Variants in DLGAP2 observed in about 807,000 individuals in gnomAD.
DLGAP2 encodes the protein DLG associated protein 2, also known as disks large-associated protein 2.
Under a neutral mutation model 100.3 loss-of-function variants are expected in DLGAP2, and 26 were observed. The ratio of observed to expected loss-of-function variants is 0.26; its 90% CI spans 0.19 to 0.36. DLGAP2 has a LOEUF of 0.36. Ranked by LOEUF, DLGAP2 falls within the 10% of genes least tolerant of loss-of-function variation. The pLI, the probability that DLGAP2 is intolerant of heterozygous loss-of-function variation, is 1.00. For missense variants in DLGAP2, 1,858 were observed against 1,453.2 expected, an observed-to-expected ratio of 1.28 and a Z score of -4.53; for synonymous variants, 886 against 630.1, an observed-to-expected ratio of 1.41 and a Z score of -6.08.
chr8:1,290,024 G>T (rs1362486298), intron 3 of DLGAP2, among the ~76,000 whole-genome samples: 1 of 152,206 alleles, frequency 6.6e-6, no homozygotes, highest in Non-Finnish European at 1.5e-5. Context: ...GCACCAAGAA[G>T]AAAACTAACC....
At chr8:1,316,716 G>T (rs1426782615) in intron 3 of DLGAP2, among the ~76,000 whole-genome samples, 1 of 138,402 alleles carries the variant, frequency 7.2e-6, no homozygotes, top group African/African-American at 2.8e-5. Context: ...CTATCCCATA[G>T]TGGTCTACAC....
chr8:1,423,630 T>A (rs997322664), intron 3 of DLGAP2, among the ~76,000 whole-genome samples: 5 of 152,224 alleles, frequency 3.3e-5, no homozygotes, highest in African/African-American at 4.8e-5. Flanking sequence ...TGGGACCTGC[T>A]GCTCCCTTAT....
At chr8:1,124,805 GT>G (rs1796128463) in intron 2 of DLGAP2, among the ~76,000 whole-genome samples, 1 of 152,120 alleles carries the variant, frequency 6.6e-6, no homozygotes, top group Admixed American at 6.5e-5. Context: ...AAATCATCTC[GT>G]TTTAGTGGGT....
At chr8:1,072,235 G>T (rs183407194) in intron 2 of DLGAP2, among the ~76,000 whole-genome samples, 1 of 152,146 alleles carries the variant, frequency 6.6e-6, no homozygotes, top group Middle Eastern at 3.2e-3. Flanking sequence ...CTGATTGATG[G>T]TGTTCAGATG....
chr8:1,627,955 G>C (rs558167893), intron 7 of DLGAP2, among the ~76,000 whole-genome samples: 1 of 145,620 alleles, frequency 6.9e-6, no homozygotes, highest in African/African-American at 2.7e-5. Context: ...AGCCTGAGCT[G>C]ACCTCACATT....
intron 6 of DLGAP2, among the ~76,000 whole-genome samples, chr8:1,572,731 G>A (rs1382388162): frequency 4.6e-5 from 5 of 109,238 alleles, no homozygotes; most frequent in African/African-American, 1.8e-4. Context: ...AGGAGAGAGG[G>A]TGAACTGTGG....
At chr8:1,227,217 A>T (rs933704914) in intron 2 of DLGAP2, among the ~76,000 whole-genome samples, 2 of 129,950 alleles carry the variant, frequency 1.5e-5, no homozygotes, top group East Asian at 4.3e-4. Flanking sequence ...AGTGTTATAT[A>T]TATATTTGTT....
chr8:1,064,595 T>C (rs1001160589), intron 2 of DLGAP2, among the ~76,000 whole-genome samples: 1 of 152,280 alleles, frequency 6.6e-6, no homozygotes. Context: ...ACTTAAACAC[T>C]ATTTAATTTG....
chr8:759,677 C>G (rs1821029010), intron 1 of DLGAP2, among the ~76,000 whole-genome samples: 1 of 152,186 alleles, frequency 6.6e-6, no homozygotes, highest in East Asian at 1.9e-4. Flanking sequence ...GGCGGTTTCC[C>G]CATGTGACTC....
At chr8:772,307 C>G (rs1003227197) in intron 1 of DLGAP2, among the ~76,000 whole-genome samples, 2 of 152,148 alleles carry the variant, frequency 1.3e-5, no homozygotes, top group Admixed American at 1.3e-4. Context: ...AATGTCATCT[C>G]ATAATCATTA....
chr8:1,107,855 T>A (rs1248058972), intron 2 of DLGAP2, among the ~76,000 whole-genome samples: 1 of 152,166 alleles, frequency 6.6e-6, no homozygotes, highest in Non-Finnish European at 1.5e-5. Flanking sequence ...CGAACCACCC[T>A]AAGCTGACAA....
Position 1,255,413 on chromosome 8 carries a change from T to A in DLGAP2, c.74-3438T>A, listed in dbSNP as rs112303415. ...GTGTGTGTGTCCTCTCCTGCCTGGG[T>A]GCTGTGTGTGTGTCCTCATCCTGCC... On this transcript the variant is annotated intron_variant, in intron 2 of 14. Transcript: ENST00000637795. Among the ~76,000 whole-genome samples, 654 of 101,162 alleles carry A rather than the reference T, an allele frequency of 6.5e-3. 9 individuals carry two copies. The highest frequency in any genetic ancestry group is 0.034 in the African/African-American group (562 of 16,448). The allele number at this position is 101,162 out of a possible 152,430, so 66.4% of individuals were successfully genotyped here. A position where few individuals can be genotyped will look rare whatever the true frequency, so the allele number is the denominator to read the frequency against.
intron 2 of DLGAP2, among the ~76,000 whole-genome samples, chr8:1,000,530 C>G (rs1337021562): frequency 6.6e-6 from 1 of 151,790 alleles, no homozygotes; most frequent in African/African-American, 2.4e-5. Context: ...TTCTATAGAG[C>G]GGACAGATCT....
chr8:1,267,610 A>AAAT (rs1491373210), intron 3 of DLGAP2, among the ~76,000 whole-genome samples: 15 of 112,760 alleles, frequency 1.3e-4, no homozygotes, highest in African/African-American at 6.2e-4. Flanking sequence ...AGATAAGATA[A>AAAT]GATAAGATAA....
intron 1 of DLGAP2, among the ~76,000 whole-genome samples, chr8:839,211 G>A (rs1796936944): frequency 1.3e-5 from 2 of 152,132 alleles, no homozygotes; most frequent in African/African-American, 4.8e-5. Flanking sequence ...ACTACCATGT[G>A]ATCCAGCCGT....
At chr8:1,284,697 G>T (rs947172560) in intron 3 of DLGAP2, among the ~76,000 whole-genome samples, 3 of 152,164 alleles carry the variant, frequency 2.0e-5, no homozygotes, top group African/African-American at 7.2e-5. Flanking sequence ...TCTCAGCTCA[G>T]TGCAGCCTCA....
chr8:1,205,891 G>A (rs1797979185), intron 2 of DLGAP2, among the ~76,000 whole-genome samples: 1 of 152,168 alleles, frequency 6.6e-6, no homozygotes, highest in African/African-American at 2.4e-5. Context: ...AGTGGCACCT[G>A]TCTGTGATCG....
At chr8:1,585,884 C>T (rs1447717192) in intron 6 of DLGAP2, among the ~76,000 whole-genome samples, 1 of 152,020 alleles carries the variant, frequency 6.6e-6, no homozygotes, top group Non-Finnish European at 1.5e-5. Context: ...ATGTCCATCG[C>T]CAGGGGTTTC....
chr8:1,516,527 G>A (rs1271989800), intron 4 of DLGAP2, among the ~76,000 whole-genome samples: 2 of 151,538 alleles, frequency 1.3e-5, no homozygotes, highest in African/African-American at 2.4e-5. Context: ...GAATCAGTCA[G>A]TGAGTGAGTG....
Sources: allele counts gnomAD v4.1 joint callset (sites outside exome capture counted in the v4.1 genomes callset), GRCh38; gene constraint gnomAD v4.1.1; transcripts MANE v1.5; gene names NCBI Gene and HGNC (gene_info 2026-07-23, HGNC 2026-07-21).